The following OPA1 variants were observed in gnomAD, a reference collection of about 807,000 sequenced individuals.
The protein encoded by OPA1 is dynamin-like GTPase OPA1, mitochondrial.
OPA1 carries 59 observed loss-of-function variants against 152.9 expected under a neutral mutation model. The ratio of observed to expected loss-of-function variants is 0.39; its 90% CI spans 0.31 to 0.48. The LOEUF (loss-of-function observed/expected upper bound fraction) is 0.48, where lower values mean the gene tolerates loss of function less well. Ranked by LOEUF, OPA1 falls within the 20% of genes least tolerant of loss-of-function variation. The pLI is 0.96. For missense variants in OPA1, 1,008 were observed against 1,216.8 expected (o/e 0.83, Z 2.55); for synonymous variants, 400 against 389.9 (o/e 1.03, Z -0.31).
chr3:193,644,182 A>AAAC (rs985610911), intron 16 of OPA1, 77 bp downstream of exon 16: 10 of 1,515,120 alleles, frequency 6.6e-6, no homozygotes, highest in Middle Eastern at 1.7e-4. Context: ...TTATTTAAAA[A>AAAC]AACAACAACA....
At chr3:193,639,932 G>A (rs1274896218) in intron 11 of OPA1, among the ~76,000 whole-genome samples, 4 of 151,578 alleles carry the variant, frequency 2.6e-5, no homozygotes, top group East Asian at 1.9e-4. Flanking sequence ...AAAGCAATGG[G>A]GAGAGAGAGA....
intron 1 of OPA1, among the ~76,000 whole-genome samples, chr3:193,598,110 TA>T (rs1199913010): frequency 6.6e-6 from 1 of 151,892 alleles, no homozygotes; most frequent in East Asian, 1.9e-4. Flanking sequence ...GTCTCAAAAA[TA>T]AAAAATAAAT....
At chr3:193,662,180 A>G (rs1352293657) in intron 25 of OPA1, among the ~76,000 whole-genome samples, 1 of 152,208 alleles carries the variant, frequency 6.6e-6, no homozygotes, top group Admixed American at 6.6e-5. Context: ...CTTGTTATCA[A>G]ACATAACTAG....
chr3:193,659,236 T>C (rs111958673), intron 24 of OPA1, among the ~76,000 whole-genome samples: 4 of 152,336 alleles, frequency 2.6e-5, no homozygotes, highest in African/African-American at 9.6e-5. Flanking sequence ...TGCAGAATAT[T>C]TTAGTGTGTT....
chr3:193,681,324 T>C lies in OPA1; in HGVS notation c.2984-10739T>C, dbSNP rs150309886. Among the ~76,000 whole-genome samples, 668 of 152,306 alleles carry C rather than the reference T, an allele frequency of 4.4e-3. 2 individuals are homozygous for C. Among genetic ancestry groups the C allele is most frequent in the African/African-American group, 0.015 (640 of 41,570 alleles). On this transcript the variant is annotated intron_variant, in intron 29 of 30. Transcript: ENST00000361510. ...TGTGAATCAGCTGGCTAATAATATA[T>C]CTTCTGTGGACTAGCTTGTTAGTTT...
intron 25 of OPA1, 125 bp downstream of exon 25, chr3:193,659,686 C>T: frequency 1.4e-6 from 1 of 719,486 alleles, no homozygotes; most frequent in South Asian, 1.8e-5. Flanking sequence ...TTATATCATA[C>T]TTTCTAAAAT....
chr3:193,676,783 A>G (rs1008091375), intron 29 of OPA1, among the ~76,000 whole-genome samples: 4 of 152,158 alleles, frequency 2.6e-5, no homozygotes, highest in East Asian at 3.9e-4. Context: ...GATCCAGACC[A>G]TCCTGGCTAA....
At chr3:193,601,921 AT>A (rs1193891963) in intron 1 of OPA1, among the ~76,000 whole-genome samples, 1 of 152,020 alleles carries the variant, frequency 6.6e-6, no homozygotes, top group African/African-American at 2.4e-5. Flanking sequence ...TCATTTCCTG[AT>A]TTTTTGGCAT....
intron 1 of OPA1, among the ~76,000 whole-genome samples, chr3:193,606,178 T>C (rs958679372): frequency 2.6e-5 from 4 of 152,190 alleles, no homozygotes; most frequent in African/African-American, 9.7e-5. Flanking sequence ...GGCAGACATC[T>C]TGGGGTAAAG....
chr3:193,597,442 G>A (rs1382618309), intron 1 of OPA1, among the ~76,000 whole-genome samples: 2 of 152,144 alleles, frequency 1.3e-5, no homozygotes, highest in Non-Finnish European at 2.9e-5. Context: ...TGTAATCCCA[G>A]CACTTTGGGA....
chr3:193,653,378 T>C (rs1176363871), intron 21 of OPA1, among the ~76,000 whole-genome samples: 1 of 152,204 alleles, frequency 6.6e-6, no homozygotes, highest in Admixed American at 6.5e-5. Context: ...GAAGTTCAGC[T>C]GGGCTTTTGG....
chr3:193,625,462 G>C lies in OPA1; in HGVS notation c.679-630G>C, dbSNP rs560763535. Among the ~76,000 whole-genome samples the C allele has an allele frequency of 4.6e-5, 7 of 151,888 alleles. No individual in the cohort carries two copies. The South Asian group carries it at 1.5e-3, about 32-fold the overall frequency. ...CTCATAAAAAGTGAAAATTCGGTCA[G>C]ACTAGTTATTTGATATTATATATGA... On this transcript the variant is annotated intron_variant, in intron 6 of 30. Coordinates refer to ENST00000361510, the MANE Select transcript of OPA1 (RefSeq NM_130837.3).
intron 9 of OPA1, among the ~76,000 whole-genome samples, chr3:193,636,582 A>G (rs1246080329): frequency 2.0e-5 from 3 of 151,804 alleles, no homozygotes; most frequent in East Asian, 3.9e-4. Context: ...TCAAATTTAC[A>G]TGAAGCTTGT....
chr3:193,670,398 T>G (rs1457846081), intron 29 of OPA1, among the ~76,000 whole-genome samples: 1 of 151,888 alleles, frequency 6.6e-6, no homozygotes, highest in Admixed American at 6.6e-5. Context: ...CTTTTTTTTT[T>G]TTTTTGAGAT....
intron 7 of OPA1, among the ~76,000 whole-genome samples, 153 bp downstream of exon 7, chr3:193,626,355 C>A (rs1000425171): frequency 2.0e-5 from 3 of 152,088 alleles, no homozygotes; most frequent in African/African-American, 7.2e-5. Context: ...AAATATGTAA[C>A]TTTTCTGGAG....
chr3:193,638,020 A>G lies in OPA1; in HGVS notation c.1104A>G (p.Ile368Met), dbSNP rs771817617. 6.2e-6 allele frequency: 10 copies of G among 1,614,040 alleles called. No individual in the cohort carries two copies. In the African/African-American group the frequency reaches 1.1e-4, roughly 17 times the overall value. Residue 368 changes from isoleucine (I) to methionine (M), a missense_variant, in exon 11 of 31, where the codon ATA becomes ATG. By Grantham distance (10) the Ile-to-Met change is conservative. Coordinates refer to ENST00000361510, the MANE Select transcript of OPA1 (RefSeq NM_130837.3). ...TGGAAATGATTGCCCAAGCTCGAAT[A>G]TTCCCAAGAGGATCTGGGGAGATGA... ...SVLEMIAQARIFPRGSGEMMT... is the reference protein window; with the variant it reads ...SVLEMIAQARMFPRGSGEMMT...
In OPA1 at chr3:193,596,340, T is replaced by TTTCCTTTCCTTTC. The variant is rs1204679679; in HGVS notation, c.32+2931_32+2932insTTCCTTTCCTTTC. Among the ~76,000 whole-genome samples, 219 of 79,220 alleles carry TTTCCTTTCCTTTC rather than the reference T, an allele frequency of 2.8e-3. 3 individuals carry two copies. Among genetic ancestry groups the TTTCCTTTCCTTTC allele is most frequent in the East Asian group, 8.9e-3 (21 of 2,368 alleles). 52.0% of individuals were successfully genotyped at this position (79,220 alleles called of 152,430 possible). A position where few individuals can be genotyped will look rare whatever the true frequency, so the allele number is the denominator to read the frequency against. On this transcript the variant is annotated intron_variant, in intron 1 of 30. Coordinates refer to ENST00000361510, the MANE Select transcript of OPA1 (RefSeq NM_130837.3). ...CCTTTCCTTTCCTTTCCTTTCCTTT[T>TTTCCTTTCCTTTC]CTTTTCTTTTCTTTTCTTTTCTTAA...
intron 6 of OPA1, among the ~76,000 whole-genome samples, chr3:193,622,585 T>TC (rs1730338146): frequency 6.6e-6 from 1 of 152,162 alleles, no homozygotes; most frequent in South Asian, 2.1e-4. Flanking sequence ...TTTTCTTTTT[T>TC]CCCGCGTGTT....
At chr3:193,640,157 A>G (rs1405541134) in intron 11 of OPA1, among the ~76,000 whole-genome samples, 2 of 152,202 alleles carry the variant, frequency 1.3e-5, no homozygotes, top group Non-Finnish European at 2.9e-5. Context: ...ATGATCAACT[A>G]TCTAAAAGTA....
Sources: gnomAD v4.1 joint callset for allele counts (sites outside exome capture counted in the v4.1 genomes callset) on GRCh38, gnomAD v4.1.1 for gene constraint, MANE v1.5 for transcripts, NCBI Gene and HGNC (gene_info 2026-07-23, HGNC 2026-07-21) for gene names.